NKAIN3: variants seen among roughly 807,000 people sequenced by gnomAD.
NKAIN3 encodes the protein sodium/potassium-transporting ATPase subunit beta-1-interacting protein 3.
NKAIN3 carries 25 observed loss-of-function variants against 30.2 expected under a neutral mutation model. The observed-to-expected ratio is 0.83, with a 90% CI of 0.60 to 1.16. The LOEUF is 1.16. Among genes scored for constraint, NKAIN3 ranks in the 50% most tolerant of loss-of-function variants. NKAIN3 has a pLI of 0.00. For missense variants in NKAIN3, 225 were observed against 254.1 expected, an observed-to-expected ratio of 0.89 and a Z score of 0.78; for synonymous variants, 91 against 89.6, an observed-to-expected ratio of 1.02 and a Z score of -0.09.
intron 4 of NKAIN3, among the ~76,000 whole-genome samples, chr8:62,904,338 T>G (rs939365255): frequency 2.0e-5 from 3 of 152,240 alleles, no homozygotes; most frequent in African/African-American, 4.8e-5. Context: ...TTTTGATATC[T>G]TTCAAGTGTT....
chr8:62,817,549 T>C (rs1284266520), intron 4 of NKAIN3, among the ~76,000 whole-genome samples: 2 of 152,158 alleles, frequency 1.3e-5, no homozygotes, highest in Non-Finnish European at 2.9e-5. Flanking sequence ...TTCAGAGCTC[T>C]CTGCCTCTGA....
intron 1 of NKAIN3, among the ~76,000 whole-genome samples, chr8:62,548,979 G>T (rs893746645): frequency 6.6e-6 from 1 of 152,048 alleles, no homozygotes; most frequent in Admixed American, 6.6e-5. Context: ...AGCATCATTA[G>T]GTATCATTCT....
intron 5 of NKAIN3, among the ~76,000 whole-genome samples, chr8:62,925,341 C>T (rs113103989): frequency 1.3e-5 from 2 of 152,124 alleles, no homozygotes; most frequent in Non-Finnish European, 2.9e-5. Flanking sequence ...TCCTCACTCC[C>T]TAAGAAAATT....
chr8:62,604,019 G>A (rs1811053149), intron 3 of NKAIN3, among the ~76,000 whole-genome samples: 1 of 152,082 alleles, frequency 6.6e-6, no homozygotes, highest in African/African-American at 2.4e-5. Context: ...TAACAAGCCA[G>A]TGTCTGCCGC....
intron 4 of NKAIN3, among the ~76,000 whole-genome samples, chr8:62,784,668 T>C (rs898612668): frequency 6.6e-6 from 1 of 152,130 alleles, no homozygotes; most frequent in African/African-American, 2.4e-5. Context: ...CCCTGATAGC[T>C]TCACTGGTGA....
At chr8:62,789,851 A>T (rs1817645031) in intron 4 of NKAIN3, among the ~76,000 whole-genome samples, 1 of 152,178 alleles carries the variant, frequency 6.6e-6, no homozygotes, top group African/African-American at 2.4e-5. Context: ...GTCCAAGGCC[A>T]GATGGATTCA....
intron 1 of NKAIN3, among the ~76,000 whole-genome samples, chr8:62,298,373 C>T (rs1813915976): frequency 6.6e-6 from 1 of 152,050 alleles, no homozygotes; most frequent in East Asian, 1.9e-4. Flanking sequence ...TGATCTGATT[C>T]TGGCATGCCC....
rs183763662 is a variant in NKAIN3 at position 62,768,360 on chromosome 8, C to T, written c.471+21231C>T. 6.6e-5 allele frequency among the ~76,000 whole-genome samples: 10 copies of T among 152,266 alleles called. No homozygotes were observed. The East Asian group carries it at 1.7e-3, about 26-fold the overall frequency. ...TGACTCCCGCTCTGCTGACAGGATA[C>T]GCTATTTGCATTGACAACAGTTGCA... On this transcript the variant is annotated intron_variant, in intron 4 of 6. Coordinates refer to ENST00000623646, the MANE Select transcript of NKAIN3 (RefSeq NM_001304533.3).
chr8:62,563,846 T>C (rs913146453), intron 1 of NKAIN3, among the ~76,000 whole-genome samples: 5 of 152,172 alleles, frequency 3.3e-5, no homozygotes, highest in African/African-American at 1.2e-4. Context: ...ACTTGACTTC[T>C]CCATGCACAC....
At chr8:62,547,105 T>C (rs1284682099) in intron 1 of NKAIN3, among the ~76,000 whole-genome samples, 1 of 152,150 alleles carries the variant, frequency 6.6e-6, no homozygotes, top group Admixed American at 6.5e-5. Flanking sequence ...TGTTAATGAG[T>C]TACAACTGTG....
intron 1 of NKAIN3, among the ~76,000 whole-genome samples, chr8:62,362,806 A>G (rs71525486): frequency 1.2e-4 from 18 of 148,534 alleles, no homozygotes; most frequent in African/African-American, 3.4e-4. Context: ...AAATTTATAG[A>G]CAAAGAAAGT....
chr8:62,486,673 C>T (rs537965325), intron 1 of NKAIN3, among the ~76,000 whole-genome samples: 14 of 152,246 alleles, frequency 9.2e-5, no homozygotes, highest in African/African-American at 2.9e-4. Flanking sequence ...AGAAAACTTC[C>T]GACACACACC....
At chr8:62,565,335 TGCATATGTATACATGG>T (rs950885352) in intron 1 of NKAIN3, among the ~76,000 whole-genome samples, 1 of 150,636 alleles carries the variant, frequency 6.6e-6, no homozygotes, top group African/African-American at 2.4e-5. Context: ...TATATGTATG[TGCATATGTATACATGG>T]GCATACGTGT....
chr8:62,434,089 C>A (rs967054375), intron 1 of NKAIN3, among the ~76,000 whole-genome samples: 1 of 152,032 alleles, frequency 6.6e-6, no homozygotes, highest in East Asian at 1.9e-4. Context: ...AAAGAGAAAA[C>A]GACAAGATCC....
intron 1 of NKAIN3, among the ~76,000 whole-genome samples, chr8:62,378,811 C>T (rs1004760880): frequency 6.6e-6 from 1 of 152,138 alleles, no homozygotes; most frequent in African/African-American, 2.4e-5. Context: ...CTGCTAGTGC[C>T]ATGCAGAAGG....
intron 6 of NKAIN3, among the ~76,000 whole-genome samples, chr8:62,960,599 TA>T (rs1823543612): frequency 6.6e-6 from 1 of 151,980 alleles, no homozygotes; most frequent in African/African-American, 2.4e-5. Context: ...AAGCCAATGA[TA>T]TAAACCAAAT....
chr8:62,958,361 G>A (rs374553413), intron 6 of NKAIN3, among the ~76,000 whole-genome samples: 46 of 152,152 alleles, frequency 3.0e-4, no homozygotes, highest in African/African-American at 9.9e-4. Flanking sequence ...GGAGTCATCC[G>A]TGTTGGGTTT....
intron 3 of NKAIN3, among the ~76,000 whole-genome samples, chr8:62,723,271 C>T (rs925024532): frequency 2.6e-5 from 4 of 151,934 alleles, no homozygotes; most frequent in Non-Finnish European, 5.9e-5. Context: ...GAAAAATAAG[C>T]ATATATTCTT....
At chr8:62,914,892 C>G (rs539285157) in intron 4 of NKAIN3, among the ~76,000 whole-genome samples, 4 of 151,616 alleles carry the variant, frequency 2.6e-5, no homozygotes, top group Admixed American at 2.6e-4. Context: ...ACCCATCAAC[C>G]TGTCATTTAG....
Sources: gnomAD v4.1 joint callset for allele counts (sites outside exome capture counted in the v4.1 genomes callset) on GRCh38, gnomAD v4.1.1 for gene constraint, MANE v1.5 for transcripts, NCBI Gene and HGNC (gene_info 2026-07-23, HGNC 2026-07-21) for gene names.